Variants in RAD17 observed in about 807,000 individuals in gnomAD.
RAD17 encodes RAD17 checkpoint clamp loader component.
In RAD17, 31 loss-of-function variants were observed where a neutral mutation model predicts 81.5. The ratio of observed to expected loss-of-function variants is 0.38; its 90% CI spans 0.29 to 0.51. The LOEUF (loss-of-function observed/expected upper bound fraction) is 0.51, where lower values mean the gene tolerates loss of function less well. RAD17 is among the 20% of genes least tolerant of loss of function. The pLI, the probability that RAD17 is intolerant of heterozygous loss-of-function variation, is 0.88. For synonymous variants in RAD17, 261 were observed against 266.2 expected (o/e 0.98, Z 0.19); for missense variants, 681 against 781.2 (o/e 0.87, Z 1.53).
intron 17 of RAD17, among the ~76,000 whole-genome samples, chr5:69,404,540 G>C (rs1161580968): frequency 6.6e-6 from 1 of 152,036 alleles, no homozygotes; most frequent in Non-Finnish European, 1.5e-5. Context: ...GGCCGAGGTG[G>C]GTGGATCGCC....
At position 69,414,116 on chromosome 5, in the gene RAD17, T is replaced by TC. The variant is rs1421990562; in HGVS notation, c.1838dup (p.Ala614CysfsTer7). On this transcript the variant is annotated frameshift_variant, in exon 19 of 19. Coordinates refer to ENST00000354868, the MANE Select transcript of RAD17 (RefSeq NM_133338.3). LOFTEE classifies it low-confidence loss of function (END_TRUNC). ...TGAAGCCCAGCTTAATGGAGGACATTCTGCAGAGGAATCTCTGGGTGAACC... is the reference window on the plus strand; with the variant it reads ...TGAAGCCCAGCTTAATGGAGGACATTCCTGCAGAGGAATCTCTGGGTGAACC... The TC allele has an allele frequency of 3.1e-6, 5 of 1,614,212 alleles. No individual in the cohort carries two copies. The highest frequency in any genetic ancestry group is 2.5e-6 in the Non-Finnish European group (3 of 1,180,046).
chr5:69,401,522 A>C (rs1765266341), intron 17 of RAD17, among the ~76,000 whole-genome samples: 1 of 152,224 alleles, frequency 6.6e-6, no homozygotes, highest in African/African-American at 2.4e-5. Flanking sequence ...TTCTGTTACG[A>C]AATTATAATG....
intron 6 of RAD17, among the ~76,000 whole-genome samples, chr5:69,379,118 T>C (rs1763689971): frequency 6.6e-6 from 1 of 152,146 alleles, no homozygotes; most frequent in Non-Finnish European, 1.5e-5. Context: ...GGTGTGTGCC[T>C]GTAGTCCCAG....
At chr5:69,407,712 G>A (rs1765712967) in intron 17 of RAD17, among the ~76,000 whole-genome samples, 1 of 151,942 alleles carries the variant, frequency 6.6e-6, no homozygotes, top group Non-Finnish European at 1.5e-5. Context: ...GAGTAGCTGG[G>A]AATACAGGCA....
intron 18 of RAD17, among the ~76,000 whole-genome samples, chr5:69,412,887 G>A (rs1458121466): frequency 1.3e-5 from 2 of 151,852 alleles, no homozygotes; most frequent in African/African-American, 4.8e-5. Flanking sequence ...TACTCCAGAG[G>A]CTGAGACAGG....
At chr5:69,379,249 T>C (rs1027741831) in intron 6 of RAD17, among the ~76,000 whole-genome samples, 2 of 151,964 alleles carry the variant, frequency 1.3e-5, no homozygotes, top group Admixed American at 6.6e-5. Flanking sequence ...AAAAAAAATA[T>C]TTTTTGGTAA....
In RAD17 at chr5:69,386,198, T is replaced by A; in HGVS notation, c.717T>A (p.Gly239=). The change falls in exon 10 of 19, where the codon GGT becomes GGA. Residue 239 remains glycine (G), a synonymous_variant. Transcript: ENST00000354868. ...ATTTTAGGAAGTATGTGAGGATTGG[T>A]CGATGTCCTCTTATATTTATAATCT... is the stretch of plus-strand genomic sequence containing the variant. ...HEVLRKYVRI[G]RCPLIFIISD... 6.2e-7 allele frequency: 1 copy of A among 1,606,522 alleles called. No individual in the cohort carries two copies. The highest frequency in any genetic ancestry group is 1.1e-5 in the South Asian group (1 of 89,280).
intron 6 of RAD17, among the ~76,000 whole-genome samples, chr5:69,379,236 C>G (rs1329168686): frequency 3.5e-5 from 5 of 144,752 alleles, no homozygotes; most frequent in African/African-American, 1.3e-4. Context: ...GACTTTGTCT[C>G]AAAAAAAAAA....
Position 69,386,292 on chromosome 5 carries a change from A to G in RAD17, c.811A>G (p.Ile271Val). 1 of 1,600,596 alleles carries G rather than the reference A, an allele frequency of 6.2e-7. No homozygotes were observed. The change falls in exon 10 of 19, where the codon ATC (isoleucine) becomes GTC (valine). Residue 271 changes from isoleucine (I) to valine (V), a missense_variant. Ile to Val is a conservative substitution (Grantham distance 29, BLOSUM62 3). Transcript: ENST00000354868. Reference protein sequence around the residue: ...FPKEIQEECSISNISFNPVAP... With the variant: ...FPKEIQEECSVSNISFNPVAP... Reference sequence around the variant, plus strand: ...CAAAGAAATTCAGGAAGAGTGTTCTATCTCAAATATTAGGTAAGAAAGAAA... The same window carrying G: ...CAAAGAAATTCAGGAAGAGTGTTCTGTCTCAAATATTAGGTAAGAAAGAAA...
chr5:69,388,758 C>T (rs1764368607), intron 11 of RAD17, among the ~76,000 whole-genome samples: 1 of 152,054 alleles, frequency 6.6e-6, no homozygotes, highest in Non-Finnish European at 1.5e-5. Flanking sequence ...AGGCGCATGC[C>T]ACCATGCCCA....
chr5:69,399,504 A>G (rs1456589886), intron 16 of RAD17, among the ~76,000 whole-genome samples: 1 of 152,182 alleles, frequency 6.6e-6, no homozygotes, highest in East Asian at 1.9e-4. Context: ...TTTATTACCT[A>G]GGACATTTTT....
chr5:69,391,902 C>G lies in RAD17; in HGVS notation c.1078C>G (p.Arg360Gly). ...KSDAVLSKSK[R>G]RKKPDRVFEN... ...AGATGCTGTGCTGTCAAAATCAAAA[C>G]GAAGAAAAAAACCTGATAGGGTTTT... The change falls in exon 13 of 19, where the codon CGA becomes GGA. Residue 360 changes from arginine (R) to glycine (G), a missense_variant. Physicochemically the swap from Arg to Gly is moderately radical, Grantham distance 125. Transcript: ENST00000354868. 1 of 1,592,146 alleles carries G rather than the reference C, an allele frequency of 6.3e-7. No homozygotes were observed. The highest frequency in any genetic ancestry group is 8.5e-7 in the Non-Finnish European group (1 of 1,172,880).
rs527870680 is a variant in RAD17 at position 69,399,730 on chromosome 5, G to A, written c.1573-319G>A. Among the ~76,000 whole-genome samples the A allele has an allele frequency of 1.2e-4, 18 of 152,136 alleles. No individual in the cohort carries two copies. In the South Asian group the frequency reaches 2.9e-3, roughly 25 times the overall value. On this transcript the variant is annotated intron_variant, in intron 16 of 18. Coordinates refer to ENST00000354868, the MANE Select transcript of RAD17 (RefSeq NM_133338.3). Reference sequence around the variant, plus strand: ...AATTATTTCATTGAAAACTATTTTCGTGTAATTTATGATGTGTGTGTGCTC... The same window carrying A: ...AATTATTTCATTGAAAACTATTTTCATGTAATTTATGATGTGTGTGTGCTC...
At position 69,391,831 on chromosome 5, in the gene RAD17, G is replaced by A; in HGVS notation, c.1007G>A (p.Gly336Glu). 6.6e-7 allele frequency: 1 copy of A among 1,516,320 alleles called. No individual in the cohort carries two copies. Among genetic ancestry groups the A allele is most frequent in the South Asian group, 1.3e-5 (1 of 76,340 alleles). 93.9% of individuals were successfully genotyped at this position (1,516,320 alleles called of 1,614,324 possible). Residue 336 changes from glycine to glutamate, a missense_variant and splice_region_variant, in exon 13 of 19, where the codon GGA becomes GAA. Physicochemically the swap from Gly to Glu is moderately conservative, Grantham distance 98. Coordinates refer to ENST00000354868, the MANE Select transcript of RAD17 (RefSeq NM_133338.3). ...INSLQFSSSK[G>E]ENNLRPRKKG... Reference sequence around the variant, plus strand: ...TGTCACTTGGATGTATATTATTCAGGAGAAAACAACTTACGGCCAAGGAAA... The same window carrying A: ...TGTCACTTGGATGTATATTATTCAGAAGAAAACAACTTACGGCCAAGGAAA...
chr5:69,414,002 T>A, intron 18 of RAD17, 29 bp from the exon 19 acceptor site: 1 of 1,606,502 alleles, frequency 6.2e-7, no homozygotes, highest in Non-Finnish European at 8.5e-7. Flanking sequence ...CTTTGGTTCT[T>A]ATTAATGCCT....
chr5:69,407,880 T>G (rs1348033548), intron 17 of RAD17, among the ~76,000 whole-genome samples: 1 of 152,222 alleles, frequency 6.6e-6, no homozygotes, highest in Non-Finnish European at 1.5e-5. Context: ...TACTTCTGGT[T>G]CAAATCTACT....
chr5:69,372,950 G>T (rs1005070995), intron 4 of RAD17, among the ~76,000 whole-genome samples: 1 of 152,086 alleles, frequency 6.6e-6, no homozygotes, highest in African/African-American at 2.4e-5. Flanking sequence ...CCTCTGGAAA[G>T]CCTGCCTCAA....
At chr5:69,403,499 CACA>C (rs1422506759) in intron 17 of RAD17, among the ~76,000 whole-genome samples, 2 of 152,188 alleles carry the variant, frequency 1.3e-5, no homozygotes, top group African/African-American at 4.8e-5. Context: ...CCTATGAATA[CACA>C]ACATTTTAAA....
chr5:69,404,376 A>G (rs1414800722), intron 17 of RAD17, among the ~76,000 whole-genome samples: 2 of 152,216 alleles, frequency 1.3e-5, no homozygotes, highest in East Asian at 1.9e-4. Flanking sequence ...ATCAAAATAT[A>G]TAAGGAACTC....
Sources: gnomAD v4.1 joint callset for allele counts (sites outside exome capture counted in the v4.1 genomes callset) on GRCh38, gnomAD v4.1.1 for gene constraint, MANE v1.5 for transcripts, NCBI Gene and HGNC (gene_info 2026-07-23, HGNC 2026-07-21) for gene names.